AGAP1: variants seen among roughly 807,000 people sequenced by gnomAD.
AGAP1 encodes arf-GAP with GTPase, ANK repeat and PH domain-containing protein 1.
AGAP1 carries 29 observed loss-of-function variants against 105.3 expected under a neutral mutation model. That is an observed-to-expected ratio of 0.28 (90% CI 0.21 to 0.38). The LOEUF (loss-of-function observed/expected upper bound fraction) is 0.38, where lower values mean the gene tolerates loss of function less well. Among genes scored for constraint, AGAP1 ranks in the 10% least tolerant of loss-of-function variants. AGAP1 has a pLI of 1.00. For synonymous variants in AGAP1, 509 were observed against 485.9 expected, an observed-to-expected ratio of 1.05 and a Z score of -0.63; for missense variants, 998 against 1,165.1, an observed-to-expected ratio of 0.86 and a Z score of 2.09.
At chr2:236,011,587 C>G (rs2056515132) in intron 13 of AGAP1, among the ~76,000 whole-genome samples, 1 of 152,092 alleles carries the variant, frequency 6.6e-6, no homozygotes, top group African/African-American at 2.4e-5. Context: ...ACCCTGCTGC[C>G]TTTTTGTTTA....
In AGAP1 at chr2:235,882,524, G is replaced by A. The variant is rs1363973328; in HGVS notation, c.1051-821G>A. 9 of 1,296,646 alleles carry A rather than the reference G, an allele frequency of 6.9e-6. No individual in the cohort carries two copies. The highest frequency in any genetic ancestry group is 1.5e-5 in the African/African-American group (1 of 67,898). 80.3% of individuals were successfully genotyped at this position (1,296,646 alleles called of 1,614,324 possible). ...TAAAACAATCGGTACCATCCGTGGC[G>A]GGCTCTTAGCTCACTGCAACACTCT... On this transcript the variant is annotated intron_variant, in intron 9 of 17. Transcript: ENST00000304032. This position sits in a 1 kb window ranked among gnomAD's most constrained non-coding sequence, Gnocchi z 4.6.
rs914512750 is a variant in AGAP1, at chr2:236,056,363, G to A, written c.2114+7082G>A. ...AGGGTTGAAAATCCTTATCATTTAC[G>A]TTCTGAAATACGGCCGTCGTGACAA... On this transcript the variant is annotated intron_variant, in intron 16 of 17. Coordinates refer to ENST00000304032, the MANE Select transcript of AGAP1 (RefSeq NM_001037131.3). This position sits in a 1 kb window ranked among gnomAD's most constrained non-coding sequence, Gnocchi z 4.6. 2.0e-5 allele frequency among the ~76,000 whole-genome samples: 3 copies of A among 152,134 alleles called. No homozygotes were observed. The highest frequency in any genetic ancestry group is 2.1e-4 in the South Asian group (1 of 4,830).
At chr2:235,885,066 G>C (rs2050206748) in intron 10 of AGAP1, among the ~76,000 whole-genome samples, 1 of 152,150 alleles carries the variant, frequency 6.6e-6, no homozygotes, top group African/African-American at 2.4e-5. Flanking sequence ...CACAGTTATT[G>C]ATGAGAAGTT....
chr2:235,797,050 G>T (rs1427712937), intron 6 of AGAP1, among the ~76,000 whole-genome samples: 4 of 152,018 alleles, frequency 2.6e-5, no homozygotes, highest in African/African-American at 9.7e-5. Flanking sequence ...AAATAAAAAA[G>T]GTCTTTGATA....
At chr2:235,809,852 G>C (rs1011113373) in intron 9 of AGAP1, among the ~76,000 whole-genome samples, 16 of 152,138 alleles carry the variant, frequency 1.1e-4, no homozygotes, top group Non-Finnish European at 1.5e-5. Flanking sequence ...ATTATTTGTT[G>C]AATAAATGAA....
At chr2:235,826,313 C>CT (rs1959060114) in intron 9 of AGAP1, among the ~76,000 whole-genome samples, 1 of 152,250 alleles carries the variant, frequency 6.6e-6, no homozygotes, top group Non-Finnish European at 1.5e-5. Context: ...AGAGATGCTG[C>CT]TTGGGCAGAT....
intron 11 of AGAP1, among the ~76,000 whole-genome samples, chr2:235,929,938 A>AT (rs1428037941): frequency 2.0e-5 from 3 of 152,008 alleles, no homozygotes; most frequent in Non-Finnish European, 2.9e-5. Flanking sequence ...TTGGAAGAAA[A>AT]TTTTTTTTAA....
chr2:235,869,555 C>T (rs564140436), intron 9 of AGAP1, among the ~76,000 whole-genome samples: 12 of 151,824 alleles, frequency 7.9e-5, no homozygotes, highest in Non-Finnish European at 1.3e-4. Context: ...GAGCCAAGAT[C>T]GCGCCACTGC....
In AGAP1 at chr2:236,020,286, T is replaced by A. The variant is rs73121846; in HGVS notation, c.1646-16275T>A. 0.015 allele frequency among the ~76,000 whole-genome samples: 2,337 copies of A among 152,306 alleles called. 76 individuals carry two copies. Among genetic ancestry groups the A allele is most frequent in the African/African-American group, 0.053 (2,221 of 41,558 alleles). On this transcript the variant is annotated intron_variant, in intron 13 of 17. Transcript: ENST00000304032. The surrounding 1 kb of genome is among the most constrained non-coding windows in gnomAD (Gnocchi z 5.0). Reference sequence around the variant, plus strand: ...CCAGTACTCAAGCACCCAGATTCTCTCTGTTTTCAAAGAAAATTGCAGTGT... The same window carrying A: ...CCAGTACTCAAGCACCCAGATTCTCACTGTTTTCAAAGAAAATTGCAGTGT...
rs998260218 is a variant in AGAP1 at position 235,865,896 on chromosome 2, C to G, written c.1051-17449C>G. Reference sequence around the variant, plus strand: ...TCCGTTTGTGGAGGACTGGGGAAAGCCAGTTAATTGGGATGTGTTTTTGCA... The same window carrying G: ...TCCGTTTGTGGAGGACTGGGGAAAGGCAGTTAATTGGGATGTGTTTTTGCA... On this transcript the variant is annotated intron_variant, in intron 9 of 17. Transcript: ENST00000304032. The surrounding 1 kb of genome is among the most constrained non-coding windows in gnomAD (Gnocchi z 6.2). Among the ~76,000 whole-genome samples the G allele has an allele frequency of 1.3e-5, 2 of 152,180 alleles. No homozygotes were observed. The highest frequency in any genetic ancestry group is 4.8e-5 in the African/African-American group (2 of 41,430).
At chr2:235,727,733 G>C (rs1385958647) in intron 3 of AGAP1, among the ~76,000 whole-genome samples, 1 of 152,192 alleles carries the variant, frequency 6.6e-6, no homozygotes, top group Non-Finnish European at 1.5e-5. Flanking sequence ...TGTCAGGAAA[G>C]GGGAGCGATC....
intron 1 of AGAP1, among the ~76,000 whole-genome samples, chr2:235,594,619 G>A (rs984535589): frequency 6.6e-6 from 1 of 152,130 alleles, no homozygotes; most frequent in Non-Finnish European, 1.5e-5. Flanking sequence ...CTGTTACCCA[G>A]GCTGGTGTGC....
rs1419252654 is a variant in AGAP1, at chr2:235,964,405, T to A, written c.1484-4057T>A. ...AAAGACAGTCACAGTGACCATTGTT[T>A]CCCATGGCCTGGCACCATACCTGGC... is the stretch of plus-strand genomic sequence containing the variant. On this transcript the variant is annotated intron_variant, in intron 12 of 17. Transcript: ENST00000304032. This position sits in a 1 kb window ranked among gnomAD's most constrained non-coding sequence, Gnocchi z 4.6. Among the ~76,000 whole-genome samples, 1 of 152,102 alleles carries A rather than the reference T, an allele frequency of 6.6e-6. No homozygotes were observed. The highest frequency in any genetic ancestry group is 1.5e-5 in the Non-Finnish European group (1 of 68,020).
chr2:236,017,728 ATC>A (rs2056754759), intron 13 of AGAP1, among the ~76,000 whole-genome samples: 1 of 152,202 alleles, frequency 6.6e-6, no homozygotes, highest in Admixed American at 6.5e-5. Context: ...GAGTCTAAGG[ATC>A]TCTCTGAAGC....
intron 16 of AGAP1, among the ~76,000 whole-genome samples, chr2:236,115,130 G>A (rs1424925496): frequency 3.9e-5 from 6 of 152,162 alleles, no homozygotes; most frequent in African/African-American, 4.8e-5. Flanking sequence ...CCGCGGCCCC[G>A]TGCCACCAGC....
chr2:235,767,170 C>G (rs1955030547), intron 6 of AGAP1, among the ~76,000 whole-genome samples: 1 of 152,160 alleles, frequency 6.6e-6, no homozygotes, highest in African/African-American at 2.4e-5. Flanking sequence ...CTTGGCCTCC[C>G]AAAGTGCTGG....
In AGAP1 at chr2:235,971,977, C is replaced by G. The variant is rs189830465; in HGVS notation, c.1645+3354C>G. Among the ~76,000 whole-genome samples the G allele has an allele frequency of 2.8e-4, 42 of 152,002 alleles. No homozygotes were observed. Among genetic ancestry groups the G allele is most frequent in the African/African-American group, 1.0e-3 (42 of 41,476 alleles). On this transcript the variant is annotated intron_variant, in intron 13 of 17. Transcript: ENST00000304032. The surrounding 1 kb of genome is among the most constrained non-coding windows in gnomAD (Gnocchi z 4.8). ...GTATTTTTGTAGAAATGGAGTTTCA[C>G]TCTTTTGCCCAGGCTGGTCTTGAAC...
rs573244270 is a variant in AGAP1 at position 235,739,176 on chromosome 2, C to T, written c.311-1787C>T. 6.6e-4 allele frequency among the ~76,000 whole-genome samples: 99 copies of T among 150,086 alleles called. No homozygotes were observed. Among genetic ancestry groups the T allele is most frequent in the African/African-American group, 1.9e-3 (77 of 39,554 alleles). ...GACACTGAGATGGGGCGAGGTGGGG[C>T]AAGACTACACAGCTGTATGTGGCAG... On this transcript the variant is annotated intron_variant, in intron 3 of 17. Transcript: ENST00000304032. The surrounding 1 kb of genome is among the most constrained non-coding windows in gnomAD (Gnocchi z 5.3).
At chr2:236,021,876 T>C (rs1217594139) in intron 13 of AGAP1, among the ~76,000 whole-genome samples, 3 of 151,866 alleles carry the variant, frequency 2.0e-5, no homozygotes, top group Non-Finnish European at 4.4e-5. Context: ...CTGGGCAATA[T>C]GGTGAAACCC....
Sources: gnomAD v4.1 joint callset for allele counts (sites outside exome capture counted in the v4.1 genomes callset) on GRCh38, gnomAD v4.1.1 for gene constraint, Gnocchi (gnomAD v3.1) non-coding constraint, MANE v1.5 for transcripts, NCBI Gene and HGNC (gene_info 2026-07-23, HGNC 2026-07-21) for gene names.